Variants in SCEL observed in about 807,000 individuals in gnomAD.
SCEL encodes sciellin.
In SCEL, 113 loss-of-function variants were observed where a neutral mutation model predicts 117.6. That is an observed-to-expected ratio of 0.96 (90% CI 0.83 to 1.12). The LOEUF is 1.12. Among genes scored for constraint, SCEL ranks in the 50% most tolerant of loss-of-function variants. The pLI is 0.00. For missense variants in SCEL, 785 were observed against 810.8 expected (o/e 0.97, Z 0.39); for synonymous variants, 270 against 256.2 (o/e 1.05, Z -0.51).
intron 1 of SCEL, among the ~76,000 whole-genome samples, chr13:77,539,736 G>A (rs2154393432): frequency 6.6e-6 from 1 of 152,032 alleles, no homozygotes; most frequent in South Asian, 2.1e-4. Flanking sequence ...AGGTTTCACA[G>A]TGTTAGCCAG....
intron 1 of SCEL, among the ~76,000 whole-genome samples, chr13:77,553,428 C>T (rs557023526): frequency 8.5e-4 from 127 of 149,772 alleles, no homozygotes; most frequent in Admixed American, 2.6e-3. Flanking sequence ...AGGTCTTTAT[C>T]GGCTAAGAGA....
chr13:77,579,400 T>C (rs1219614841), intron 9 of SCEL, among the ~76,000 whole-genome samples: 1 of 152,246 alleles, frequency 6.6e-6, no homozygotes, highest in African/African-American at 2.4e-5. Flanking sequence ...TCTTAATATC[T>C]ACTAGACAAT....
At chr13:77,630,499 A>G (rs1183471993) in intron 28 of SCEL, among the ~76,000 whole-genome samples, 1 of 152,196 alleles carries the variant, frequency 6.6e-6, no homozygotes, top group Non-Finnish European at 1.5e-5. Context: ...ATGAACATTC[A>G]TATATGAGTT....
chr13:77,594,140 T>C (rs1451610571), intron 12 of SCEL, among the ~76,000 whole-genome samples: 1 of 152,206 alleles, frequency 6.6e-6, no homozygotes, highest in African/African-American at 2.4e-5. Flanking sequence ...AGAGTAGTTA[T>C]TCAGCTTTAC....
intron 4 of SCEL, among the ~76,000 whole-genome samples, chr13:77,560,265 T>TA (rs5804913): frequency 0.85 from 112,628 of 133,224 alleles, 47,770 homozygotes; most frequent in South Asian, 0.94. Flanking sequence ...ACCCTGCCTC[T>TA]AAAAAAAAAA....
chr13:77,576,676 C>T (rs61191280), intron 9 of SCEL, among the ~76,000 whole-genome samples: 1,755 of 152,272 alleles, frequency 0.012, 34 homozygotes, highest in African/African-American at 0.04. Flanking sequence ...TCTCATTCTC[C>T]TATAATGGTA....
chr13:77,543,554 A>G (rs540684955), intron 1 of SCEL, among the ~76,000 whole-genome samples: 1 of 152,338 alleles, frequency 6.6e-6, no homozygotes, highest in South Asian at 2.1e-4. Context: ...TGTAAATCTC[A>G]TGATACTTTG....
intron 9 of SCEL, among the ~76,000 whole-genome samples, chr13:77,585,394 G>A (rs947634951): frequency 6.6e-6 from 1 of 152,162 alleles, no homozygotes; most frequent in African/African-American, 2.4e-5. Context: ...TCCACAGCGG[G>A]GAGAGAATAT....
intron 7 of SCEL, 74 bp downstream of exon 7, chr13:77,568,407 C>T: frequency 1.1e-6 from 1 of 881,526 alleles, no homozygotes; most frequent in South Asian, 1.5e-5. Context: ...CACCTCAGGC[C>T]AATTTTATTG....
intron 1 of SCEL, among the ~76,000 whole-genome samples, chr13:77,538,404 A>G (rs1286112603): frequency 6.6e-6 from 1 of 152,198 alleles, no homozygotes. Flanking sequence ...GGCATAGCCA[A>G]TGCGCCCGGC....
chr13:77,614,009 A>G, intron 24 of SCEL, 54 bp downstream of exon 24: 1 of 1,340,326 alleles, frequency 7.5e-7, no homozygotes, highest in Non-Finnish European at 1.1e-6. Flanking sequence ...ACCCAAAATT[A>G]ATAGAAATGA....
Position 77,610,224 on chromosome 13 carries a change from G to A in SCEL, c.1337+118G>A, listed in dbSNP as rs555474157. 81 of 563,598 alleles carry A rather than the reference G, an allele frequency of 1.4e-4. No homozygotes were observed. The Admixed American group carries it at 2.0e-3, about 14-fold the overall frequency. The allele number at this position is 563,598 out of a possible 1,614,324, so 34.9% of individuals were successfully genotyped here. ...TCCCAACAGTTTAGGAGGCCGAGGC[G>A]GGAGGATCACAAGGTCAGGAGATGG... On this transcript the variant is annotated intron_variant, in intron 22 of 32. Coordinates refer to ENST00000349847, the MANE Select transcript of SCEL (RefSeq NM_144777.3).
chr13:77,605,003 T>G lies in SCEL; in HGVS notation c.1157+588T>G, dbSNP rs1419037440. Among the ~76,000 whole-genome samples, 4 of 152,222 alleles carry G rather than the reference T, an allele frequency of 2.6e-5. No homozygotes were observed. In the East Asian group the frequency reaches 7.7e-4, roughly 29 times the overall value. On this transcript the variant is annotated intron_variant, in intron 19 of 32. Transcript: ENST00000349847. ...ATGTAGTGTGGTGTGTATTTAAAGA[T>G]GAAGAGCTTAACAAAGTGTGCTTTG...
chr13:77,606,256 T>C (rs1359862289), intron 19 of SCEL, among the ~76,000 whole-genome samples: 3 of 152,238 alleles, frequency 2.0e-5, no homozygotes, highest in Non-Finnish European at 4.4e-5. Flanking sequence ...TGTGTAAATA[T>C]ACACATGTGC....
Position 77,570,603 on chromosome 13 carries a change from T to TA in SCEL, c.479+1155dup, listed in dbSNP as rs567484960. On this transcript the variant is annotated intron_variant, in intron 8 of 32. Transcript: ENST00000349847. Reference sequence around the variant, plus strand: ...CAGCGGCTCAGAGAATAGACCTACTTAAACAATTTAAATCCAGCTTTCCTG... The same window carrying TA: ...CAGCGGCTCAGAGAATAGACCTACTTAAAACAATTTAAATCCAGCTTTCCTG... Among the ~76,000 whole-genome samples, 164 of 152,340 alleles carry TA rather than the reference T, an allele frequency of 1.1e-3. 3 individuals carry two copies. Among genetic ancestry groups the TA allele is most frequent in the Middle Eastern group, 3.4e-3 (1 of 294 alleles).
chr13:77,551,029 T>C (rs1307948590), intron 1 of SCEL, among the ~76,000 whole-genome samples: 1 of 152,194 alleles, frequency 6.6e-6, no homozygotes, highest in African/African-American at 2.4e-5. Context: ...CCACTCTCGC[T>C]TTAACACCAG....
intron 1 of SCEL, among the ~76,000 whole-genome samples, chr13:77,552,538 G>A (rs1390388965): frequency 1.3e-5 from 2 of 151,040 alleles, no homozygotes; most frequent in African/African-American, 2.4e-5. Context: ...TTTTTGATGG[G>A]GTTGTTTGTT....
At chr13:77,548,953 A>G (rs1265653061) in intron 1 of SCEL, among the ~76,000 whole-genome samples, 1 of 151,824 alleles carries the variant, frequency 6.6e-6, no homozygotes, top group African/African-American at 2.4e-5. Context: ...TTCTTTATCC[A>G]TTTGTCTGTT....
intron 15 of SCEL, chr13:77,600,017 A>C (rs1273247217): frequency 1.5e-5 from 6 of 401,010 alleles, no homozygotes; most frequent in African/African-American, 1.2e-4. Flanking sequence ...GTTCCCCTTC[A>C]TATCTAAAAT....
Sources: gnomAD v4.1 joint callset for allele counts (sites outside exome capture counted in the v4.1 genomes callset) on GRCh38, gnomAD v4.1.1 for gene constraint, MANE v1.5 for transcripts, NCBI Gene and HGNC (gene_info 2026-07-23, HGNC 2026-07-21) for gene names.